Variants in KCTD8 observed in about 807,000 individuals in gnomAD.
The protein encoded by KCTD8 is potassium channel tetramerization domain containing 8.
Under a neutral mutation model 31.5 loss-of-function variants are expected in KCTD8, and 27 were observed. The observed-to-expected ratio is 0.86, with a 90% CI of 0.63 to 1.18. KCTD8 has a LOEUF of 1.18. Ranked by LOEUF, KCTD8 falls within the 50% of genes most tolerant of loss-of-function variation. The probability of loss-of-function intolerance (pLI) is 0.00; values close to 1 mark genes in which losing one functional copy is unlikely to be tolerated. For missense variants in KCTD8, 658 were observed against 647.7 expected (o/e 1.02, Z -0.17); for synonymous variants, 290 against 280.0 (o/e 1.04, Z -0.36).
intron 1 of KCTD8, among the ~76,000 whole-genome samples, chr4:44,316,297 T>A (rs1299918093): frequency 6.6e-6 from 1 of 152,184 alleles, no homozygotes; most frequent in Non-Finnish European, 1.5e-5. Flanking sequence ...TTCCAATAGA[T>A]TCAATTTACA....
intron 1 of KCTD8, among the ~76,000 whole-genome samples, chr4:44,371,055 G>A (rs1560438271): frequency 1.3e-5 from 2 of 152,178 alleles, no homozygotes; most frequent in African/African-American, 4.8e-5. Flanking sequence ...GAGAACCAGG[G>A]AGGCCAATGG....
chr4:44,182,714 A>T (rs1040977461), intron 1 of KCTD8, among the ~76,000 whole-genome samples: 8 of 152,066 alleles, frequency 5.3e-5, no homozygotes, highest in African/African-American at 1.4e-4. Context: ...TTATGTGCTG[A>T]CCTTCCCTCC....
At chr4:44,431,565 A>C (rs958401906) in intron 1 of KCTD8, among the ~76,000 whole-genome samples, 4 of 151,582 alleles carry the variant, frequency 2.6e-5, no homozygotes, top group Non-Finnish European at 5.9e-5. Context: ...CTTCATAAAA[A>C]AATTTAATTT....
chr4:44,372,969 T>C (rs753279703), intron 1 of KCTD8, among the ~76,000 whole-genome samples: 9 of 152,198 alleles, frequency 5.9e-5, no homozygotes, highest in East Asian at 1.9e-4. Flanking sequence ...CACTTTTCTA[T>C]TCAATAATAT....
At chr4:44,313,220 G>T (rs1374571714) in intron 1 of KCTD8, among the ~76,000 whole-genome samples, 1 of 152,156 alleles carries the variant, frequency 6.6e-6, no homozygotes, top group Non-Finnish European at 1.5e-5. Flanking sequence ...CTAGTGTTTT[G>T]CCCAAAACTT....
chr4:44,230,736 T>C (rs1715096805), intron 1 of KCTD8, among the ~76,000 whole-genome samples: 1 of 152,210 alleles, frequency 6.6e-6, no homozygotes, highest in African/African-American at 2.4e-5. Flanking sequence ...ATGCTGCTTA[T>C]ACCCTTGAGT....
chr4:44,207,606 G>T (rs1714352664), intron 1 of KCTD8, among the ~76,000 whole-genome samples: 1 of 152,058 alleles, frequency 6.6e-6, no homozygotes, highest in Non-Finnish European at 1.5e-5. Context: ...TACGTCTTTG[G>T]AGTACAAAAT....
At chr4:44,447,486 C>A (rs1335322826) in intron 1 of KCTD8, 77 bp downstream of exon 1, 1 of 1,436,078 alleles carries the variant, frequency 7.0e-7, no homozygotes, top group East Asian at 2.6e-5. Flanking sequence ...CCCCGCGGGG[C>A]CTCCAGCGGG....
At chr4:44,282,761 G>A (rs1229886358) in intron 1 of KCTD8, among the ~76,000 whole-genome samples, 1 of 152,018 alleles carries the variant, frequency 6.6e-6, no homozygotes, top group Non-Finnish European at 1.5e-5. Flanking sequence ...GATGAAACCA[G>A]TCACAACATT....
At chr4:44,394,427 A>G (rs935806420) in intron 1 of KCTD8, among the ~76,000 whole-genome samples, 12 of 151,522 alleles carry the variant, frequency 7.9e-5, no homozygotes, top group Admixed American at 2.6e-4. Context: ...AGAAAGAAAG[A>G]AAAAAAAATA....
At chr4:44,379,672 G>T (rs888906450) in intron 1 of KCTD8, among the ~76,000 whole-genome samples, 7 of 152,010 alleles carry the variant, frequency 4.6e-5, no homozygotes, top group Non-Finnish European at 1.0e-4. Flanking sequence ...CCATCAGATG[G>T]CACACTGCAA....
intron 1 of KCTD8, among the ~76,000 whole-genome samples, chr4:44,236,147 C>T (rs371885707): frequency 3.9e-5 from 6 of 152,296 alleles, no homozygotes; most frequent in African/African-American, 1.4e-4. Context: ...TCAGCCACTG[C>T]CCAACTGCAG....
chr4:44,258,238 T>C (rs905406849), intron 1 of KCTD8, among the ~76,000 whole-genome samples: 24 of 152,008 alleles, frequency 1.6e-4, no homozygotes, highest in Admixed American at 1.1e-3. Flanking sequence ...ATATGAGGAC[T>C]TGAACTAGGA....
chr4:44,177,047 TG>T (rs1272028881), intron 1 of KCTD8, among the ~76,000 whole-genome samples: 2 of 152,124 alleles, frequency 1.3e-5, no homozygotes, highest in African/African-American at 2.4e-5. Flanking sequence ...AAAAAATTGT[TG>T]GGTTTTATTT....
At chr4:44,393,831 A>C (rs1007380545) in intron 1 of KCTD8, among the ~76,000 whole-genome samples, 1 of 151,918 alleles carries the variant, frequency 6.6e-6, no homozygotes, top group Non-Finnish European at 1.5e-5. Flanking sequence ...ATTCTGTAGA[A>C]GCTTAGAAAT....
At chr4:44,355,314 A>G (rs1291105010) in intron 1 of KCTD8, among the ~76,000 whole-genome samples, 1 of 152,142 alleles carries the variant, frequency 6.6e-6, no homozygotes, top group African/African-American at 2.4e-5. Context: ...TTGATTACTA[A>G]ACTATGCAGT....
intron 1 of KCTD8, among the ~76,000 whole-genome samples, chr4:44,303,633 T>C (rs1056910957): frequency 2.0e-5 from 3 of 151,902 alleles, no homozygotes; most frequent in African/African-American, 7.3e-5. Flanking sequence ...CTGGGCAACA[T>C]AGCAAAATCC....
At chr4:44,284,044 CT>C (rs1265713336) in intron 1 of KCTD8, among the ~76,000 whole-genome samples, 2 of 152,104 alleles carry the variant, frequency 1.3e-5, no homozygotes, top group African/African-American at 4.8e-5. Flanking sequence ...TGAAAATGAC[CT>C]TACTGCCCAA....
intron 1 of KCTD8, among the ~76,000 whole-genome samples, chr4:44,201,512 A>G (rs866841890): frequency 3.9e-5 from 6 of 152,024 alleles, no homozygotes; most frequent in African/African-American, 7.2e-5. Flanking sequence ...CATACTTACA[A>G]TTATTGATCT....
Sources: gnomAD v4.1 joint callset for allele counts (sites outside exome capture counted in the v4.1 genomes callset) on GRCh38, gnomAD v4.1.1 for gene constraint, MANE v1.5 for transcripts, NCBI Gene and HGNC (gene_info 2026-07-23, HGNC 2026-07-21) for gene names.